Variants in ANGPT1 observed in about 807,000 individuals in gnomAD.
ANGPT1 encodes angiopoietin 1, also known as angiopoietin-1.
A neutral mutation model predicts 62.2 loss-of-function variants in ANGPT1; 17 were observed. The ratio of observed to expected loss-of-function variants is 0.27; its 90% CI spans 0.19 to 0.41. The LOEUF (loss-of-function observed/expected upper bound fraction) is 0.41. ANGPT1 is among the 10% of genes least tolerant of loss of function. ANGPT1 has a pLI of 1.00. For synonymous variants in ANGPT1, 199 were observed against 198.9 expected (o/e 1.00, Z 0.00); for missense variants, 478 against 594.9 (o/e 0.80, Z 2.04).
intron 1 of ANGPT1, among the ~76,000 whole-genome samples, chr8:107,391,371 A>G (rs1816831832): frequency 6.6e-6 from 1 of 152,208 alleles, no homozygotes; most frequent in Admixed American, 6.5e-5. Context: ...TGTTTATTAT[A>G]CATTCATGTG....
chr8:107,444,931 G>A (rs1811575972), intron 1 of ANGPT1, among the ~76,000 whole-genome samples: 1 of 152,142 alleles, frequency 6.6e-6, no homozygotes, highest in Non-Finnish European at 1.5e-5. Context: ...CATGGCAAAA[G>A]GAGATTTACA....
chr8:107,317,628 A>ATTTTT lies in ANGPT1; in HGVS notation c.808+4263_808+4267dup, dbSNP rs60047500. On this transcript the variant is annotated intron_variant, in intron 4 of 8. Coordinates refer to ENST00000517746, the MANE Select transcript of ANGPT1 (RefSeq NM_001146.5). Reference sequence around the variant, plus strand: ...ATAGATAACCAGTGAATTTATTTTTATTTTTATTTTTTTTTTTTTTGAGAC... The same window carrying ATTTTT: ...ATAGATAACCAGTGAATTTATTTTTATTTTTTTTTTATTTTTTTTTTTTTTGAGAC... 9.4e-5 allele frequency among the ~76,000 whole-genome samples: 8 copies of ATTTTT among 84,912 alleles called. 1 individual carries two copies. The highest frequency in any genetic ancestry group is 1.3e-4 in the Non-Finnish European group (6 of 46,290). 55.7% of individuals were successfully genotyped at this position (84,912 alleles called of 152,430 possible).
intron 3 of ANGPT1, among the ~76,000 whole-genome samples, chr8:107,335,168 G>A (rs1156855423): frequency 2.0e-5 from 3 of 152,138 alleles, no homozygotes; most frequent in Admixed American, 2.0e-4. Flanking sequence ...CTAGCAAGTT[G>A]TGTGACCTTG....
At chr8:107,407,208 A>G (rs1363750506) in intron 1 of ANGPT1, among the ~76,000 whole-genome samples, 2 of 152,148 alleles carry the variant, frequency 1.3e-5, no homozygotes, top group South Asian at 4.1e-4. Flanking sequence ...TTCATGATAC[A>G]AGCATTTAAA....
intron 1 of ANGPT1, among the ~76,000 whole-genome samples, chr8:107,493,311 A>T (rs928025111): frequency 3.3e-5 from 5 of 150,570 alleles, no homozygotes; most frequent in Non-Finnish European, 7.4e-5. Flanking sequence ...GATACAGTCA[A>T]TGTACTGTGA....
chr8:107,406,612 G>A (rs562474930), intron 1 of ANGPT1, among the ~76,000 whole-genome samples: 28 of 151,984 alleles, frequency 1.8e-4, no homozygotes, highest in African/African-American at 5.3e-4. Context: ...GTAGTCTTTC[G>A]AGTCTCATAT....
chr8:107,364,168 T>C (rs760962229), intron 1 of ANGPT1, among the ~76,000 whole-genome samples: 2 of 152,212 alleles, frequency 1.3e-5, no homozygotes, highest in Non-Finnish European at 2.9e-5. Context: ...ACTTACTCTT[T>C]TGGAATTTTT....
rs1260681194 is a variant in ANGPT1, at chr8:107,321,982, G to A, written c.722C>T (p.Thr241Ile). 2.5e-6 allele frequency: 4 copies of A among 1,614,014 alleles called. No individual in the cohort carries two copies. Among genetic ancestry groups the A allele is most frequent in the South Asian group, 1.1e-5 (1 of 91,082 alleles). Residue 241 changes from threonine to isoleucine, a missense_variant, in exon 4 of 9, where the codon ACC becomes ATC. Around this residue, in one of 4 missense-constraint regions of ANGPT1, gnomAD observed 343 missense variants for 355.4 expected, o/e 0.97. Coordinates refer to ENST00000517746, the MANE Select transcript of ANGPT1 (RefSeq NM_001146.5). Reference protein sequence around the residue: ...QELEKQLNRATTNNSVLQKQQ... With the variant: ...QELEKQLNRAITNNSVLQKQQ... Reference sequence around the variant, plus strand: ...CTTCTGAAGGACACTGTTGTTGGTGGTAGCTCTGTTTAATTGCTTTTCCAG... The same window carrying A: ...CTTCTGAAGGACACTGTTGTTGGTGATAGCTCTGTTTAATTGCTTTTCCAG...
chr8:107,274,452 G>C (rs1813812315), intron 7 of ANGPT1, among the ~76,000 whole-genome samples: 1 of 151,934 alleles, frequency 6.6e-6, no homozygotes, highest in African/African-American at 2.4e-5. Context: ...TGTATGCTGT[G>C]GGACAATTTT....
At chr8:107,447,754 G>T (rs938044800) in intron 1 of ANGPT1, among the ~76,000 whole-genome samples, 1 of 152,156 alleles carries the variant, frequency 6.6e-6, no homozygotes, top group African/African-American at 2.4e-5. Flanking sequence ...TATTCTGTAG[G>T]GTTTCTTTGT....
chr8:107,363,352 T>C (rs1175082803), intron 1 of ANGPT1, among the ~76,000 whole-genome samples: 3 of 152,232 alleles, frequency 2.0e-5, no homozygotes, highest in Non-Finnish European at 4.4e-5. Flanking sequence ...GAAGTGTGAA[T>C]TCTCTGGTGT....
chr8:107,309,243 T>G (rs1041932166), intron 4 of ANGPT1, among the ~76,000 whole-genome samples: 3 of 152,300 alleles, frequency 2.0e-5, no homozygotes, highest in Admixed American at 6.5e-5. Flanking sequence ...TCAGAATACA[T>G]GTGGATCAGG....
chr8:107,388,684 G>A (rs762479785), intron 1 of ANGPT1, among the ~76,000 whole-genome samples: 10 of 152,052 alleles, frequency 6.6e-5, no homozygotes, highest in Non-Finnish European at 1.3e-4. Context: ...ACGCACACCC[G>A]TGAATCTGTA....
At position 107,471,728 on chromosome 8, in the gene ANGPT1, T is replaced by C. The variant is rs1391013915; in HGVS notation, c.297+25534A>G. ...ACTCACTGTAAGGAGCAAGCACTGC[T>C]TAGCTTAGCTATTCTCAGATTTTTA... On this transcript the variant is annotated intron_variant, in intron 1 of 8. Coordinates refer to ENST00000517746, the MANE Select transcript of ANGPT1 (RefSeq NM_001146.5). 2.0e-5 allele frequency among the ~76,000 whole-genome samples: 3 copies of C among 152,084 alleles called. No individual in the cohort carries two copies. In the East Asian group the frequency reaches 5.8e-4, roughly 29 times the overall value.
chr8:107,473,607 T>C (rs1168262426), intron 1 of ANGPT1, among the ~76,000 whole-genome samples: 1 of 152,116 alleles, frequency 6.6e-6, no homozygotes, highest in Non-Finnish European at 1.5e-5. Flanking sequence ...AGAGCTTTAC[T>C]TTTTCAGTAG....
intron 1 of ANGPT1, among the ~76,000 whole-genome samples, chr8:107,382,875 G>C (rs1399515900): frequency 6.6e-6 from 1 of 152,156 alleles, no homozygotes; most frequent in African/African-American, 2.4e-5. Flanking sequence ...GAATTTGCCT[G>C]TGCATCTGTA....
At chr8:107,471,402 C>T (rs1160833982) in intron 1 of ANGPT1, among the ~76,000 whole-genome samples, 1 of 151,952 alleles carries the variant, frequency 6.6e-6, no homozygotes, top group East Asian at 1.9e-4. Context: ...TGGGGCCTGT[C>T]AGGCTGTGGG....
intron 1 of ANGPT1, among the ~76,000 whole-genome samples, chr8:107,380,806 C>T (rs1185584659): frequency 6.6e-6 from 1 of 152,136 alleles, no homozygotes; most frequent in African/African-American, 2.4e-5. Context: ...CAAAAGACAA[C>T]GTCTTACTTT....
At chr8:107,341,025 A>G (rs1342756406) in intron 2 of ANGPT1, among the ~76,000 whole-genome samples, 4 of 152,184 alleles carry the variant, frequency 2.6e-5, no homozygotes, top group African/African-American at 7.2e-5. Flanking sequence ...ATAATGGACA[A>G]TGTGACCAAG....
Sources: gnomAD v4.1 joint callset for allele counts (sites outside exome capture counted in the v4.1 genomes callset) on GRCh38, gnomAD v4.1.1 for gene constraint, gnomAD v4.1.1 regional missense constraint, MANE v1.5 for transcripts, NCBI Gene and HGNC (gene_info 2026-07-23, HGNC 2026-07-21) for gene names.